The following CPVL variants were observed in gnomAD, a reference collection of about 807,000 sequenced individuals.
CPVL encodes the protein probable serine carboxypeptidase CPVL.
A neutral mutation model predicts 63.7 loss-of-function variants in CPVL; 51 were observed. That is an observed-to-expected ratio of 0.80 (90% CI 0.64 to 1.01). CPVL has a LOEUF of 1.01. Ranked by LOEUF, CPVL falls within the 50% of genes least tolerant of loss-of-function variation. The probability of loss-of-function intolerance (pLI) is 0.00; values close to 1 mark genes in which losing one functional copy is unlikely to be tolerated. For missense variants in CPVL, 530 were observed against 573.1 expected, an observed-to-expected ratio of 0.92 and a Z score of 0.77; for synonymous variants, 195 against 206.0, an observed-to-expected ratio of 0.95 and a Z score of 0.46.
upstream of CPVL, among the ~76,000 whole-genome samples, chr7:29,151,400 A>G (rs967852743): frequency 2.0e-5 from 3 of 152,224 alleles, no homozygotes; most frequent in Admixed American, 6.5e-5. Flanking sequence ...TACAAAAGGC[A>G]TATTTTCAGT....
Position 29,096,127 on chromosome 7 carries a change from A to G in CPVL, c.379T>C (p.Tyr127His). ...CAGGTCATGTTACTTGTGACAACAT[A>G]AGGCCCATGTTCCACAAAGAGTCCA... Reference protein sequence around the residue: ...MFGLFVEHGPYVVTSNMTLRD... With the variant: ...MFGLFVEHGPHVVTSNMTLRD... The change falls in exon 4 of 13, where the codon TAT becomes CAT. Residue 127 changes from tyrosine to histidine, a missense_variant. Tyr to His is a moderately conservative substitution (Grantham distance 83). Coordinates refer to ENST00000265394, the MANE Select transcript of CPVL (RefSeq NM_031311.5). 2 of 1,614,010 alleles carry G rather than the reference A, an allele frequency of 1.2e-6. No homozygotes were observed. Among genetic ancestry groups the G allele is most frequent in the Non-Finnish European group, 1.7e-6 (2 of 1,179,828 alleles).
chr7:29,061,280 G>C (rs1791251356), intron 11 of CPVL, among the ~76,000 whole-genome samples: 1 of 152,128 alleles, frequency 6.6e-6, no homozygotes, highest in African/African-American at 2.4e-5. Context: ...AGGCATGGTG[G>C]CATGTGCCTG....
At chr7:29,068,049 G>A (rs2108386) in intron 9 of CPVL, among the ~76,000 whole-genome samples, 1 of 149,580 alleles carries the variant, frequency 6.7e-6, no homozygotes, top group Non-Finnish European at 1.5e-5. Flanking sequence ...CTGTCACTCA[G>A]GCTGGAGTGC....
At chr7:29,096,984 C>CAAAAAA (rs1165892123) in intron 3 of CPVL, among the ~76,000 whole-genome samples, 10 of 51,188 alleles carry the variant, frequency 2.0e-4, no homozygotes, top group East Asian at 5.3e-4. Context: ...GACTCTGTCT[C>CAAAAAA]AAAAAAAAAA....
At chr7:29,112,125 C>G (rs971689307) in intron 3 of CPVL, among the ~76,000 whole-genome samples, 6 of 152,206 alleles carry the variant, frequency 3.9e-5, no homozygotes, top group African/African-American at 1.2e-4. Flanking sequence ...CTGCCAGAAG[C>G]CTTCCTAGAT....
chr7:29,163,658 A>T (rs2128714333), intron 5 of CPVL, among the ~76,000 whole-genome samples: 1 of 152,326 alleles, frequency 6.6e-6, no homozygotes, highest in South Asian at 2.1e-4. Context: ...TCATCACAAG[A>T]TAACAAACAT....
intron 11 of CPVL, among the ~76,000 whole-genome samples, chr7:29,041,971 C>T (rs989334114): frequency 6.6e-6 from 1 of 152,228 alleles, no homozygotes; most frequent in Admixed American, 6.5e-5. Context: ...TTTAAATGCA[C>T]ATATCTCCCT....
intron 1 of CPVL, among the ~76,000 whole-genome samples, chr7:29,137,800 A>T (rs987804264): frequency 7.2e-5 from 11 of 152,186 alleles, no homozygotes; most frequent in African/African-American, 2.7e-4. Context: ...GCATTTAAAA[A>T]TTTGTTATGC....
chr7:28,995,918 G>T, intron 12 of CPVL, 36 bp from the exon 13 acceptor site: 1 of 1,178,994 alleles, frequency 8.5e-7, no homozygotes, highest in Non-Finnish European at 1.2e-6. Flanking sequence ...GAAATTTAGA[G>T]AAATGGATAT....
chr7:29,154,366 G>A (rs1326508714), intron 5 of CPVL, among the ~76,000 whole-genome samples: 8 of 152,126 alleles, frequency 5.3e-5, no homozygotes, highest in Non-Finnish European at 1.2e-4. Context: ...TAAATGGGTG[G>A]GGCTTCCCCA....
At chr7:29,066,324 T>C (rs1402087954) in intron 9 of CPVL, among the ~76,000 whole-genome samples, 4 of 152,130 alleles carry the variant, frequency 2.6e-5, no homozygotes, top group African/African-American at 9.7e-5. Flanking sequence ...AGACCAATGG[T>C]CCTCCCCCAT....
chr7:29,195,277 G>C (rs1783536987), upstream of CPVL: 1 of 381,446 alleles, frequency 2.6e-6, no homozygotes, highest in Non-Finnish European at 4.7e-6. Flanking sequence ...CGAAAGGAGC[G>C]GGCAGGCTCG....
intron 5 of CPVL, among the ~76,000 whole-genome samples, chr7:29,093,740 C>T (rs976103868): frequency 4.6e-5 from 7 of 151,998 alleles, no homozygotes; most frequent in Non-Finnish European, 7.4e-5. Context: ...TTCCAAACAC[C>T]CAAGGATGTT....
At chr7:29,121,854 G>C (rs1248162786) in intron 1 of CPVL, among the ~76,000 whole-genome samples, 5 of 152,064 alleles carry the variant, frequency 3.3e-5, no homozygotes, top group Non-Finnish European at 7.4e-5. Flanking sequence ...AACAAAAACA[G>C]GAAGGAAGAA....
intron 11 of CPVL, among the ~76,000 whole-genome samples, chr7:29,051,407 C>T (rs1007368334): frequency 6.6e-6 from 1 of 152,048 alleles, no homozygotes; most frequent in African/African-American, 2.4e-5. Context: ...AAGTAAAAAA[C>T]AAACAATCCC....
chr7:29,181,322 C>G (rs1399651244), exon 5 of CPVL: 2 of 152,180 alleles, frequency 1.3e-5, no homozygotes, highest in African/African-American at 4.8e-5. Context: ...CTGGCAGCAA[C>G]ATTTATATAG....
At chr7:29,066,363 A>C (rs1408192924) in intron 9 of CPVL, among the ~76,000 whole-genome samples, 1 of 152,226 alleles carries the variant, frequency 6.6e-6, no homozygotes, top group African/African-American at 2.4e-5. Context: ...GGGGACAACA[A>C]GCATTTCTAA....
Position 29,162,058 on chromosome 7 carries a change from C to T in CPVL, c.-11+19232G>A, listed in dbSNP as rs574514431. Among the ~76,000 whole-genome samples the T allele has an allele frequency of 6.6e-5, 10 of 152,292 alleles. No individual in the cohort carries two copies. In the East Asian group the frequency reaches 1.9e-3, roughly 29 times the overall value. ...GCATGGATGCAGGGAAACTGGATCT[C>T]TCAGACATCGCTGGTGGCAATGTTA... On this transcript the variant is annotated intron_variant, in intron 5 of 16. Transcript: ENST00000409850.
At chr7:29,092,180 C>CTT (rs3042208) in intron 6 of CPVL, among the ~76,000 whole-genome samples, 10 of 137,570 alleles carry the variant, frequency 7.3e-5, no homozygotes, top group South Asian at 2.3e-4. Flanking sequence ...TACATTTTTC[C>CTT]TTTTTTTTTT....
Sources: allele counts gnomAD v4.1 joint callset (sites outside exome capture counted in the v4.1 genomes callset), GRCh38; gene constraint gnomAD v4.1.1; transcripts MANE v1.5; gene names NCBI Gene and HGNC (gene_info 2026-07-23, HGNC 2026-07-21).